Variants in PTPRN2 observed in about 807,000 individuals in gnomAD.
PTPRN2 encodes protein tyrosine phosphatase receptor type N2, also known as receptor-type tyrosine-protein phosphatase N2.
In PTPRN2, 74 loss-of-function variants were observed where a neutral mutation model predicts 118.8. The ratio of observed to expected loss-of-function variants is 0.62; its 90% CI spans 0.52 to 0.76. The LOEUF (loss-of-function observed/expected upper bound fraction) is 0.76. PTPRN2 is among the 30% of genes least tolerant of loss of function. The probability of loss-of-function intolerance (pLI) is 0.00; values close to 1 mark genes in which losing one functional copy is unlikely to be tolerated. For synonymous variants in PTPRN2, 641 were observed against 608.0 expected (o/e 1.05, Z -0.80); for missense variants, 1,481 against 1,394.4 (o/e 1.06, Z -0.99).
intron 14 of PTPRN2, among the ~76,000 whole-genome samples, chr7:157,649,544 G>A (rs1805474135): frequency 7.6e-6 from 1 of 132,230 alleles, no homozygotes; most frequent in African/African-American, 2.7e-5. Context: ...CACTGAACTC[G>A]GTGGGTCGGA....
chr7:158,359,238 GA>G (rs1808643497), intron 2 of PTPRN2, among the ~76,000 whole-genome samples: 2 of 152,222 alleles, frequency 1.3e-5, no homozygotes, highest in Admixed American at 1.3e-4. Context: ...CAAGTCTACA[GA>G]GGCGACCATC....
intron 12 of PTPRN2, among the ~76,000 whole-genome samples, chr7:157,832,016 C>T (rs1343476728): frequency 1.3e-5 from 2 of 152,148 alleles, no homozygotes; most frequent in Admixed American, 6.6e-5. Context: ...GAGGGGTCCT[C>T]CCGGAGCACC....
At chr7:158,151,636 G>T (rs1042220654) in intron 6 of PTPRN2, among the ~76,000 whole-genome samples, 26 of 152,140 alleles carry the variant, frequency 1.7e-4, no homozygotes, top group Non-Finnish European at 3.4e-4. Context: ...GCTTCAGGAG[G>T]TGAAATACTC....
intron 15 of PTPRN2, among the ~76,000 whole-genome samples, chr7:157,606,322 G>T (rs529747273): frequency 6.6e-6 from 1 of 152,316 alleles, no homozygotes; most frequent in South Asian, 2.1e-4. Flanking sequence ...GCTACGGTTT[G>T]GGCAGCTGTA....
chr7:158,105,095 C>G (rs1815565556), intron 10 of PTPRN2, among the ~76,000 whole-genome samples: 1 of 151,294 alleles, frequency 6.6e-6, no homozygotes, highest in Admixed American at 6.6e-5. Context: ...ATCCTCAGCT[C>G]CTTCCCAACC....
chr7:158,513,627 G>GAC (rs1285559408), intron 1 of PTPRN2, among the ~76,000 whole-genome samples: 3 of 151,784 alleles, frequency 2.0e-5, no homozygotes, highest in African/African-American at 7.3e-5. Flanking sequence ...ATTATAGACA[G>GAC]AGAGAGAAAT....
chr7:157,600,399 G>T lies in PTPRN2; in HGVS notation c.2418+3603C>A, dbSNP rs144746605. ...TAATATGGGAATTTATTGGGAAATT[G>T]TAGCTTCAGTAATCAATGGGAGATT... is the stretch of plus-strand genomic sequence containing the variant. On this transcript the variant is annotated intron_variant, in intron 16 of 22. Coordinates refer to ENST00000389418, the MANE Select transcript of PTPRN2 (RefSeq NM_002847.5). Among the ~76,000 whole-genome samples, 331 of 152,364 alleles carry T rather than the reference G, an allele frequency of 2.2e-3. 1 individual carries two copies. The highest frequency in any genetic ancestry group is 7.7e-3 in the African/African-American group (320 of 41,588).
chr7:158,316,982 G>T, intron 2 of PTPRN2, 50 bp from the exon 3 acceptor site: 1 of 1,407,252 alleles, frequency 7.1e-7, no homozygotes, highest in Non-Finnish European at 9.8e-7. Context: ...CATTTTCAGA[G>T]AGCAGGAAGG....
chr7:158,457,619 G>A (rs1285632532), intron 2 of PTPRN2, among the ~76,000 whole-genome samples: 1 of 94,680 alleles, frequency 1.1e-5, no homozygotes, highest in Non-Finnish European at 2.2e-5. Flanking sequence ...CAGCGGATGC[G>A]CGGCCCCAGT....
intron 2 of PTPRN2, among the ~76,000 whole-genome samples, chr7:158,340,534 G>A (rs186330920): frequency 0.13 from 10,734 of 85,616 alleles, 1 homozygote; most frequent in African/African-American, 0.17. Flanking sequence ...CACCATAAGA[G>A]CTGTCGCCCG....
chr7:158,461,535 T>C (rs1008928691), intron 2 of PTPRN2, among the ~76,000 whole-genome samples: 2 of 151,888 alleles, frequency 1.3e-5, no homozygotes, highest in Admixed American at 6.6e-5. Flanking sequence ...AACTGAAGCA[T>C]ACAGAAAATG....
chr7:158,117,214 CAAAG>C (rs1459442446), intron 9 of PTPRN2, among the ~76,000 whole-genome samples: 1 of 151,986 alleles, frequency 6.6e-6, no homozygotes, highest in Admixed American at 6.5e-5. Flanking sequence ...ATGAAAATGT[CAAAG>C]AGAAAACCTA....
rs539137117 is a variant in PTPRN2, at chr7:158,342,329, T to A, written c.164-25397A>T. Among the ~76,000 whole-genome samples the A allele has an allele frequency of 7.3e-3, 865 of 117,952 alleles. 5 individuals carry two copies. Among genetic ancestry groups the A allele is most frequent in the African/African-American group, 0.033 (794 of 24,346 alleles). 77.4% of individuals were successfully genotyped at this position (117,952 alleles called of 152,430 possible). A position where few individuals can be genotyped will look rare whatever the true frequency, so the allele number is the denominator to read the frequency against. On this transcript the variant is annotated intron_variant, in intron 2 of 22. Coordinates refer to ENST00000389418, the MANE Select transcript of PTPRN2 (RefSeq NM_002847.5). ...GTCACTCACACCCACACTCTCACCA[T>A]AAGAGCTGACACCTGCAGACGTCAC...
intron 17 of PTPRN2, among the ~76,000 whole-genome samples, chr7:157,580,879 A>G (rs556957504): frequency 2.1e-5 from 2 of 96,478 alleles, no homozygotes; most frequent in African/African-American, 8.1e-5. Flanking sequence ...TGCACACCCC[A>G]GCACCTGCAC....
chr7:158,018,966 CAAAAA>C (rs753498681), intron 11 of PTPRN2, among the ~76,000 whole-genome samples: 12 of 65,848 alleles, frequency 1.8e-4, no homozygotes, highest in Non-Finnish European at 2.4e-4. Context: ...GTTTCAAAAA[CAAAAA>C]AAAAAAAAAA....
intron 2 of PTPRN2, among the ~76,000 whole-genome samples, chr7:158,394,874 G>A (rs1188094531): frequency 1.3e-5 from 2 of 152,206 alleles, no homozygotes; most frequent in African/African-American, 4.8e-5. Flanking sequence ...AAAAGAGACC[G>A]AATCGTCACA....
intron 14 of PTPRN2, among the ~76,000 whole-genome samples, chr7:157,640,745 A>T (rs914203574): frequency 5.3e-5 from 8 of 152,346 alleles, no homozygotes; most frequent in African/African-American, 1.9e-4. Flanking sequence ...TCTCAAGTGC[A>T]GGGGCACCAG....
chr7:157,601,292 T>C (rs1370377937), intron 16 of PTPRN2, among the ~76,000 whole-genome samples: 1 of 152,224 alleles, frequency 6.6e-6, no homozygotes, highest in Non-Finnish European at 1.5e-5. Context: ...GTAATTATCA[T>C]AGTTTTATCC....
At chr7:158,379,896 G>A (rs1207136670) in intron 2 of PTPRN2, among the ~76,000 whole-genome samples, 2 of 152,158 alleles carry the variant, frequency 1.3e-5, no homozygotes, top group East Asian at 1.9e-4. Flanking sequence ...GCAAAGAGGA[G>A]CAAAGTCACA....
Sources: allele counts gnomAD v4.1 joint callset (sites outside exome capture counted in the v4.1 genomes callset), GRCh38; gene constraint gnomAD v4.1.1; transcripts MANE v1.5; gene names NCBI Gene and HGNC (gene_info 2026-07-23, HGNC 2026-07-21).